Variants in DLGAP2 observed in about 807,000 individuals in gnomAD.
DLGAP2 encodes DLG associated protein 2, also known as disks large-associated protein 2.
DLGAP2 carries 26 observed loss-of-function variants against 100.3 expected under a neutral mutation model. The ratio of observed to expected loss-of-function variants is 0.26; its 90% confidence interval spans 0.19 to 0.36. DLGAP2 has a LOEUF of 0.36. Among genes scored for constraint, DLGAP2 ranks in the 10% least tolerant of loss-of-function variants. The pLI is 1.00. For missense variants in DLGAP2, 1,858 were observed against 1,453.2 expected (o/e 1.28, Z -4.53); for synonymous variants, 886 against 630.1 (o/e 1.41, Z -6.08).
At chr8:1,494,269 C>T (rs1799480872) in intron 3 of DLGAP2, among the ~76,000 whole-genome samples, 1 of 152,246 alleles carries the variant, frequency 6.6e-6, no homozygotes, top group Non-Finnish European at 1.5e-5. Flanking sequence ...ACTTTGAAGG[C>T]TTAACTGCTT....
intron 1 of DLGAP2, among the ~76,000 whole-genome samples, chr8:757,439 G>A (rs1189208354): frequency 1.3e-5 from 2 of 152,154 alleles, no homozygotes; most frequent in East Asian, 1.9e-4. Flanking sequence ...ATTTAGCACC[G>A]TGTTTTGAGG....
At chr8:1,241,460 G>A (rs879393510) in intron 2 of DLGAP2, among the ~76,000 whole-genome samples, 18 of 152,158 alleles carry the variant, frequency 1.2e-4, no homozygotes, top group East Asian at 3.8e-4. Context: ...ACCCTGACGC[G>A]TTATTTATTT....
At chr8:1,201,926 GCTCT>G (rs1184537584) in intron 2 of DLGAP2, among the ~76,000 whole-genome samples, 44 of 151,778 alleles carry the variant, frequency 2.9e-4, no homozygotes, top group African/African-American at 1.0e-3. Context: ...GTGGTATCTA[GCTCT>G]GTGTGTGATG....
chr8:1,081,316 A>G (rs1468732717), intron 2 of DLGAP2, among the ~76,000 whole-genome samples: 1 of 152,182 alleles, frequency 6.6e-6, no homozygotes, highest in Non-Finnish European at 1.5e-5. Context: ...TGTGTTGCTA[A>G]ATTTCTGGTT....
intron 2 of DLGAP2, among the ~76,000 whole-genome samples, chr8:979,325 G>A (rs1318725043): frequency 1.3e-5 from 2 of 152,136 alleles, no homozygotes; most frequent in Admixed American, 6.5e-5. Context: ...AAGACTGATG[G>A]GAATCTCAGT....
intron 2 of DLGAP2, among the ~76,000 whole-genome samples, chr8:973,247 G>T (rs527967124): frequency 2.9e-4 from 43 of 147,526 alleles, no homozygotes; most frequent in African/African-American, 1.0e-3. Flanking sequence ...GCCGGGCGGA[G>T]GCTGTCCCCC....
intron 3 of DLGAP2, among the ~76,000 whole-genome samples, chr8:1,477,580 T>G (rs1049759517): frequency 3.3e-5 from 5 of 152,218 alleles, no homozygotes; most frequent in Non-Finnish European, 7.3e-5. Flanking sequence ...GCCTGTCTAC[T>G]GTGGTTCCTA....
intron 6 of DLGAP2, among the ~76,000 whole-genome samples, chr8:1,592,101 A>C (rs1443367096): frequency 1.3e-5 from 2 of 152,036 alleles, no homozygotes; most frequent in African/African-American, 4.8e-5. Flanking sequence ...CCAGACACAC[A>C]AACAGCTGCG....
chr8:1,414,037 G>A (rs1796808252), intron 3 of DLGAP2, among the ~76,000 whole-genome samples: 1 of 152,232 alleles, frequency 6.6e-6, no homozygotes. Flanking sequence ...GACACTTAGT[G>A]ACATGCCTAG....
chr8:1,445,659 T>C (rs368372979), intron 3 of DLGAP2, among the ~76,000 whole-genome samples: 1,602 of 152,258 alleles, frequency 0.011, 10 homozygotes, highest in Non-Finnish European at 0.013. Flanking sequence ...CCTGAGGAAT[T>C]GCCACACTGA....
At chr8:901,945 A>G (rs1798260146) in intron 1 of DLGAP2, among the ~76,000 whole-genome samples, 1 of 152,130 alleles carries the variant, frequency 6.6e-6, no homozygotes, top group Non-Finnish European at 1.5e-5. Context: ...CAGGGAGGAA[A>G]CTGGCTGGAG....
intron 6 of DLGAP2, among the ~76,000 whole-genome samples, chr8:1,595,677 A>AAC (rs1489777427): frequency 1.6e-5 from 2 of 128,818 alleles, no homozygotes; most frequent in African/African-American, 6.0e-5. Flanking sequence ...CCGTCTCAAA[A>AAC]AAAAAAAAAA....
intron 1 of DLGAP2, among the ~76,000 whole-genome samples, chr8:801,611 G>A (rs1047821734): frequency 2.6e-5 from 4 of 152,152 alleles, no homozygotes; most frequent in Non-Finnish European, 4.4e-5. Flanking sequence ...TGTGGGGCTC[G>A]CTGGACGGTG....
rs1184456885 is a variant in DLGAP2, at chr8:1,563,395, G to A, written c.1231-2288G>A. Among the ~76,000 whole-genome samples, 211 of 55,972 alleles carry A rather than the reference G, an allele frequency of 3.8e-3. 6 individuals carry two copies. Among genetic ancestry groups the A allele is most frequent in the African/African-American group, 0.014 (198 of 13,932 alleles). The allele number at this position is 55,972 out of a possible 152,430, so 36.7% of individuals were successfully genotyped here. A position where few individuals can be genotyped will look rare whatever the true frequency, so the allele number is the denominator to read the frequency against. The stretch of plus-strand genomic sequence containing the variant: ...GGCTGTGTGGTGTTGGGGTGTCCGC[G>A]CCTCGTTACTGGGGGGCTGTGTGGT... On this transcript the variant is annotated intron_variant, in intron 5 of 14. Coordinates refer to ENST00000637795, the MANE Select transcript of DLGAP2 (RefSeq NM_001346810.2).
chr8:893,493 A>T (rs1798078304), intron 1 of DLGAP2, among the ~76,000 whole-genome samples: 1 of 152,214 alleles, frequency 6.6e-6, no homozygotes, highest in East Asian at 1.9e-4. Context: ...TCTGCAGCAG[A>T]TAGGCAGGAA....
chr8:1,039,251 G>C (rs1802225840), intron 2 of DLGAP2, among the ~76,000 whole-genome samples: 1 of 150,314 alleles, frequency 6.7e-6, no homozygotes, highest in Non-Finnish European at 1.5e-5. Flanking sequence ...GGTGTGCGTG[G>C]TCGTCTCAGT....
intron 1 of DLGAP2, among the ~76,000 whole-genome samples, chr8:863,398 C>T (rs73534127): frequency 2.0e-4 from 30 of 152,320 alleles, no homozygotes; most frequent in African/African-American, 7.2e-4. Flanking sequence ...CTTAGACTCA[C>T]TGTGAAGAAT....
In DLGAP2 at chr8:1,672,248, A is replaced by G. The variant is rs201187740; in HGVS notation, c.2202+2464A>G. 7.5e-4 allele frequency among the ~76,000 whole-genome samples: 103 copies of G among 136,788 alleles called. 2 individuals carry two copies. In the East Asian group the frequency reaches 0.02, roughly 27 times the overall value. The allele number at this position is 136,788 out of a possible 152,430, so 89.7% of individuals were successfully genotyped here. The stretch of plus-strand genomic sequence containing the variant: ...TTTTAATTTTTTTTTTTTTTTTGAG[A>G]TGGAGTCTCACTCTGTTGCCCAGGC... On this transcript the variant is annotated intron_variant, in intron 10 of 14. Transcript: ENST00000637795.
At chr8:1,045,308 TCA>T (rs1487672751) in intron 2 of DLGAP2, among the ~76,000 whole-genome samples, 6 of 152,204 alleles carry the variant, frequency 3.9e-5, no homozygotes, top group Non-Finnish European at 7.3e-5. Context: ...ATAAAGCACT[TCA>T]CACACACAGT....
Sources: gnomAD v4.1 joint callset for allele counts (sites outside exome capture counted in the v4.1 genomes callset) on GRCh38, gnomAD v4.1.1 for gene constraint, MANE v1.5 for transcripts, NCBI Gene and HGNC (gene_info 2026-07-23, HGNC 2026-07-21) for gene names.